The following ADGRV1 variants were observed in gnomAD, a reference collection of about 807,000 sequenced individuals.
ADGRV1 encodes adhesion G protein-coupled receptor V1, also known as G-protein coupled receptor 98.
In ADGRV1, 359 loss-of-function variants were observed where a neutral mutation model predicts 596.2. That is an observed-to-expected ratio of 0.60 (90% CI 0.55 to 0.66). The LOEUF (loss-of-function observed/expected upper bound fraction) is 0.66. Among genes scored for constraint, ADGRV1 ranks in the 30% least tolerant of loss-of-function variants. ADGRV1 has a pLI of 0.00. For missense variants in ADGRV1, 7,274 were observed against 7,575.6 expected (o/e 0.96, Z 1.48); for synonymous variants, 2,681 against 2,679.2 (o/e 1.00, Z -0.02).
chr5:90,883,797 G>A (rs1402858620), intron 83 of ADGRV1, among the ~76,000 whole-genome samples: 1 of 152,250 alleles, frequency 6.6e-6, no homozygotes, highest in African/African-American at 2.4e-5. Flanking sequence ...GGAGAAGTGA[G>A]TTGCAGTAAC....
intron 83 of ADGRV1, among the ~76,000 whole-genome samples, chr5:90,926,937 A>G (rs973802114): frequency 6.6e-6 from 1 of 151,882 alleles, no homozygotes; most frequent in Non-Finnish European, 1.5e-5. Context: ...CATGTAGTTG[A>G]GCGGTTGTGA....
chr5:91,035,694 A>G (rs1262709348), intron 85 of ADGRV1, among the ~76,000 whole-genome samples: 1 of 151,276 alleles, frequency 6.6e-6, no homozygotes, highest in African/African-American at 2.4e-5. Flanking sequence ...CCTAGTTTCA[A>G]ATCTTCCTCT....
intron 45 of ADGRV1, among the ~76,000 whole-genome samples, chr5:90,722,308 A>G (rs958054181): frequency 3.3e-5 from 5 of 152,098 alleles, no homozygotes. Context: ...TTAAGATGGA[A>G]TTCCAAAAAA....
chr5:91,148,030 C>T (rs569402865), intron 87 of ADGRV1, among the ~76,000 whole-genome samples: 10 of 152,284 alleles, frequency 6.6e-5, no homozygotes, highest in African/African-American at 2.4e-4. Context: ...ATTTTACCCC[C>T]TCCCTAGAAA....
At chr5:90,927,770 T>C (rs935561996) in intron 83 of ADGRV1, among the ~76,000 whole-genome samples, 6 of 152,314 alleles carry the variant, frequency 3.9e-5, no homozygotes, top group East Asian at 3.9e-4. Context: ...TGGCTGGTAC[T>C]GGTTGTTCCT....
chr5:90,914,102 T>C (rs1464180255), intron 83 of ADGRV1, among the ~76,000 whole-genome samples: 4 of 152,178 alleles, frequency 2.6e-5, no homozygotes, highest in African/African-American at 9.6e-5. Context: ...TCCAAAATGC[T>C]TGGGACCAGA....
chr5:90,690,868 C>G lies in ADGRV1; in HGVS notation c.6778C>G (p.Arg2260Gly), dbSNP rs779821643. 3 of 1,611,934 alleles carry G rather than the reference C, an allele frequency of 1.9e-6. No individual in the cohort carries two copies. In the Admixed American group the frequency reaches 5.0e-5, roughly 27 times the overall value. ...NSVKVNLPIIRNSGTLGNVTV... is the reference protein window; with the variant it reads ...NSVKVNLPIIGNSGTLGNVTV... ...AGTGAAGGTAAACCTGCCAATAATT[C>G]GAAATTCTGGGACACTCGGCAATGT... The change falls in exon 31 of 90, where the codon CGA becomes GGA. Residue 2260 changes from arginine to glycine, a missense_variant. Coordinates refer to ENST00000405460, the MANE Select transcript of ADGRV1 (RefSeq NM_032119.4).
In ADGRV1 at chr5:90,672,780, T is replaced by A. The variant is rs1772671001; in HGVS notation, c.4929+58T>A. 3.1e-6 allele frequency: 4 copies of A among 1,290,640 alleles called. No homozygotes were observed. The African/African-American group carries it at 5.9e-5, about 19-fold the overall frequency. The allele number at this position is 1,290,640 out of a possible 1,614,324, so 79.9% of individuals were successfully genotyped here. A position where few individuals can be genotyped will look rare whatever the true frequency, so the allele number is the denominator to read the frequency against. On this transcript the variant is annotated intron_variant, in intron 22 of 89. Transcript: ENST00000405460. ...CTCCTGGAAAGCTTTTCCTGAAGTG[T>A]TTGTTCTGTAATTTCTTTGCAGCTT...
At chr5:90,728,371 A>G (rs1752073043) in intron 48 of ADGRV1, among the ~76,000 whole-genome samples, 1 of 152,162 alleles carries the variant, frequency 6.6e-6, no homozygotes, top group Admixed American at 6.5e-5. Context: ...CCCTGCTGTC[A>G]ACAACCCTTA....
At chr5:90,894,889 A>G (rs1771156931) in intron 83 of ADGRV1, among the ~76,000 whole-genome samples, 1 of 152,126 alleles carries the variant, frequency 6.6e-6, no homozygotes, top group Non-Finnish European at 1.5e-5. Context: ...AATTTTAGCC[A>G]TTCATTACAT....
rs866464814 is a variant in ADGRV1, at chr5:90,829,077, C to T, written c.16502C>T (p.Ser5501Phe). Residue 5501 changes from serine (S) to phenylalanine (F), a missense_variant, in exon 77 of 90, where the codon TCT (serine) becomes TTT (phenylalanine). Coordinates refer to ENST00000405460, the MANE Select transcript of ADGRV1 (RefSeq NM_032119.4). ...GAATCTCAAAGCCTTGTGTATTTTT[C>T]TGTGGGTTCTCGGCTGGCAGTGGCT... ...SDESQSLVYF[S>F]VGSRLAVAHK... The T allele has an allele frequency of 6.2e-7, 1 of 1,612,814 alleles. No individual in the cohort carries two copies. Among genetic ancestry groups the T allele is most frequent in the Non-Finnish European group, 8.5e-7 (1 of 1,179,182 alleles).
At chr5:90,698,808 C>G (rs919497323) in intron 34 of ADGRV1, among the ~76,000 whole-genome samples, 3 of 151,940 alleles carry the variant, frequency 2.0e-5, no homozygotes, top group Non-Finnish European at 4.4e-5. Flanking sequence ...AGAGAGAAGC[C>G]TTTGCTGGAG....
At chr5:90,916,938 T>G (rs1773438957) in intron 83 of ADGRV1, among the ~76,000 whole-genome samples, 1 of 152,176 alleles carries the variant, frequency 6.6e-6, no homozygotes, top group Admixed American at 6.5e-5. Flanking sequence ...TGCCACAAAT[T>G]TTTAATTAGA....
chr5:90,778,400 T>A, intron 62 of ADGRV1, 27 bp from the exon 63 acceptor site: 1 of 1,599,704 alleles, frequency 6.3e-7, no homozygotes, highest in Non-Finnish European at 8.5e-7. Flanking sequence ...CAGATTCTAC[T>A]GTTGATGACT....
At chr5:90,805,923 A>G (rs976269779) in intron 72 of ADGRV1, among the ~76,000 whole-genome samples, 1 of 152,154 alleles carries the variant, frequency 6.6e-6, no homozygotes, top group Non-Finnish European at 1.5e-5. Flanking sequence ...TTTGACCTCT[A>G]CCGTGTTATA....
chr5:90,573,942 C>G (rs1392151276), intron 1 of ADGRV1, among the ~76,000 whole-genome samples: 1 of 152,090 alleles, frequency 6.6e-6, no homozygotes, highest in Admixed American at 6.5e-5. Context: ...TTGGCCTTGT[C>G]AAAGATCAGA....
At position 90,815,684 on chromosome 5, in the gene ADGRV1, G is replaced by A. The variant is rs747121770; in HGVS notation, c.16144G>A (p.Glu5382Lys). The change falls in exon 75 of 90, where the codon GAA becomes AAA. Residue 5382 changes from glutamate to lysine, a missense_variant. Transcript: ENST00000405460. ...EESQSGLELR[E>K]GAVMRRLHLI... is the part of the protein sequence containing the mutation. ...GTCCCAGAGTGGACTAGAACTCAGG[G>A]AAGGAGCTGTTATGAGAAGATTGCA... 6 of 1,578,776 alleles carry A rather than the reference G, an allele frequency of 3.8e-6. No homozygotes were observed. Among genetic ancestry groups the A allele is most frequent in the Non-Finnish European group, 4.3e-6 (5 of 1,161,278 alleles).
intron 89 of ADGRV1, among the ~76,000 whole-genome samples, chr5:91,156,299 G>A (rs1277945400): frequency 6.6e-6 from 1 of 152,162 alleles, no homozygotes; most frequent in Non-Finnish European, 1.5e-5. Flanking sequence ...AAACAGGAAT[G>A]TTATAGATAA....
chr5:90,948,269 G>A (rs1015426823), intron 83 of ADGRV1, among the ~76,000 whole-genome samples: 1 of 152,054 alleles, frequency 6.6e-6, no homozygotes, highest in African/African-American at 2.4e-5. Flanking sequence ...CTAGGAGCAA[G>A]CAAGTATAAA....
Sources: gnomAD v4.1 joint callset for allele counts (sites outside exome capture counted in the v4.1 genomes callset) on GRCh38, gnomAD v4.1.1 for gene constraint, MANE v1.5 for transcripts, NCBI Gene and HGNC (gene_info 2026-07-23, HGNC 2026-07-21) for gene names.